Variants in SPON1 observed in about 807,000 individuals in gnomAD.
SPON1 encodes the protein spondin-1.
A neutral mutation model predicts 111.7 loss-of-function variants in SPON1; 52 were observed. That is an observed-to-expected ratio of 0.47 (90% confidence interval 0.37 to 0.59). The LOEUF (loss-of-function observed/expected upper bound fraction) is 0.59. Ranked by LOEUF, SPON1 falls within the 20% of genes least tolerant of loss-of-function variation. SPON1 has a pLI of 0.00. For synonymous variants in SPON1, 410 were observed against 395.8 expected, an observed-to-expected ratio of 1.04 and a Z score of -0.43; for missense variants, 957 against 1,068.5, an observed-to-expected ratio of 0.90 and a Z score of 1.46.
chr11:14,117,677 C>A (rs562721588), intron 5 of SPON1, among the ~76,000 whole-genome samples: 3 of 152,278 alleles, frequency 2.0e-5, no homozygotes, highest in Middle Eastern at 3.4e-3. Context: ...TCTACCTGGG[C>A]TGACCCCTCT....
chr11:14,056,605 T>C (rs1848746312), intron 3 of SPON1, among the ~76,000 whole-genome samples: 1 of 152,130 alleles, frequency 6.6e-6, no homozygotes, highest in South Asian at 2.1e-4. Context: ...CATTAAAATA[T>C]AACATCGGCT....
chr11:14,096,043 A>G (rs1398628121), intron 5 of SPON1, among the ~76,000 whole-genome samples: 1 of 152,246 alleles, frequency 6.6e-6, no homozygotes, highest in Non-Finnish European at 1.5e-5. Flanking sequence ...TTCACCAGGA[A>G]ATGGAATTTG....
At chr11:14,132,137 G>A (rs142652404) in intron 5 of SPON1, among the ~76,000 whole-genome samples, 4,574 of 152,234 alleles carry the variant, frequency 0.03, 85 homozygotes, top group Non-Finnish European at 0.044. Flanking sequence ...AATTAGCTGG[G>A]CGTGGTGGCG....
At chr11:14,023,550 TTAA>T (rs1848495675) in intron 2 of SPON1, among the ~76,000 whole-genome samples, 1 of 152,024 alleles carries the variant, frequency 6.6e-6, no homozygotes, top group South Asian at 2.1e-4. Context: ...AGATGATAAA[TTAA>T]TAACCACATT....
chr11:14,110,812 C>T (rs113677189), intron 5 of SPON1, among the ~76,000 whole-genome samples: 2,996 of 152,308 alleles, frequency 0.02, 98 homozygotes, highest in African/African-American at 0.068. Flanking sequence ...CTCACAGACA[C>T]ATCCAGAAAC....
chr11:14,025,833 G>T lies in SPON1; in HGVS notation c.346-15688G>T, dbSNP rs190556792. Among the ~76,000 whole-genome samples, 23 of 152,276 alleles carry T rather than the reference G, an allele frequency of 1.5e-4. 2 individuals are homozygous for T. The highest frequency in any genetic ancestry group is 1.2e-3 in the Admixed American group (18 of 15,304). On this transcript the variant is annotated intron_variant, in intron 2 of 15. Coordinates refer to ENST00000576479, the MANE Select transcript of SPON1 (RefSeq NM_006108.4). ...AGAGCCCCCAGAGGTTGCTCTGAGG[G>T]TAAAAGGGGTAACAGAGGTGGACCA...
intron 1 of SPON1, among the ~76,000 whole-genome samples, chr11:13,982,412 A>G (rs1848151446): frequency 6.6e-6 from 1 of 152,216 alleles, no homozygotes; most frequent in Admixed American, 6.5e-5. Flanking sequence ...GAAAAATGAA[A>G]TATGTTTTGA....
chr11:14,185,235 ATCATTTTCCCTTAAATATTAT>A (rs1171516449), intron 6 of SPON1, among the ~76,000 whole-genome samples: 4 of 152,226 alleles, frequency 2.6e-5, no homozygotes, highest in African/African-American at 9.6e-5. Flanking sequence ...AGCAAAGCCA[ATCATTTTCCCTTAAATATTAT>A]AGCTATTGTT....
At position 14,259,625 on chromosome 11, in the gene SPON1, C is replaced by G. The variant is rs1554941704; in HGVS notation, c.1755C>G (p.Ile585Met). The G allele has an allele frequency of 1.3e-6, 2 of 1,562,054 alleles. No individual in the cohort carries two copies. The highest frequency in any genetic ancestry group is 2.4e-5 in the East Asian group (1 of 41,610). ...GMGMKKRHRM[I>M]KMNPADGSMC... ...GCATGAAGAAGCGGCACCGCATGAT[C>G]AAGATGAACCCCGCAGATGGCTCCA... Residue 585 changes from isoleucine to methionine, a missense_variant, in exon 13 of 16, where the codon ATC (isoleucine) becomes ATG (methionine). Coordinates refer to ENST00000576479, the MANE Select transcript of SPON1 (RefSeq NM_006108.4). The surrounding 1 kb of genome is among the most constrained non-coding windows in gnomAD (Gnocchi z 5.0).
chr11:14,255,001 G>A (rs1384777208), intron 8 of SPON1, among the ~76,000 whole-genome samples: 4 of 152,182 alleles, frequency 2.6e-5, no homozygotes, highest in Non-Finnish European at 4.4e-5. Context: ...CAAGAGCGAA[G>A]GTTTCTGGAC....
At chr11:14,081,689 G>A (rs1848963589) in intron 5 of SPON1, among the ~76,000 whole-genome samples, 3 of 152,010 alleles carry the variant, frequency 2.0e-5, no homozygotes, top group Non-Finnish European at 4.4e-5. Context: ...AGTTCAGGAA[G>A]AACAGTAGGA....
At chr11:14,246,157 C>A (rs1591425621) in intron 7 of SPON1, among the ~76,000 whole-genome samples, 1 of 152,092 alleles carries the variant, frequency 6.6e-6, no homozygotes, top group South Asian at 2.1e-4. Context: ...AGTCTTTATA[C>A]CAGTTTTCTC....
intron 6 of SPON1, among the ~76,000 whole-genome samples, chr11:14,173,650 G>A (rs1291706501): frequency 6.6e-6 from 1 of 152,082 alleles, no homozygotes; most frequent in Admixed American, 6.6e-5. Context: ...TTTGATGATG[G>A]TGACGTACAG....
At chr11:14,223,295 C>T (rs12364720) in intron 6 of SPON1, among the ~76,000 whole-genome samples, 4,554 of 152,190 alleles carry the variant, frequency 0.03, 100 homozygotes, top group Non-Finnish European at 0.051. Flanking sequence ...ACCCAGAAGG[C>T]GGAGGTTGCA....
chr11:14,249,805 T>C (rs1468290019), intron 7 of SPON1, among the ~76,000 whole-genome samples: 1 of 152,202 alleles, frequency 6.6e-6, no homozygotes, highest in African/African-American at 2.4e-5. Flanking sequence ...TCCCTCACAA[T>C]GATAAGCAGT....
At chr11:14,098,564 G>C (rs1554924120) in intron 5 of SPON1, among the ~76,000 whole-genome samples, 2 of 151,934 alleles carry the variant, frequency 1.3e-5, no homozygotes, top group Non-Finnish European at 2.9e-5. Context: ...CTGATTTATG[G>C]AAGAGAAAAT....
At chr11:13,996,339 A>G (rs1394157900) in intron 2 of SPON1, among the ~76,000 whole-genome samples, 8 of 152,228 alleles carry the variant, frequency 5.3e-5, no homozygotes, top group African/African-American at 1.7e-4. Context: ...CTTGCTTAAA[A>G]TTGCCGTGTG....
At chr11:13,993,690 G>A (rs1320396070) in intron 2 of SPON1, among the ~76,000 whole-genome samples, 1 of 152,112 alleles carries the variant, frequency 6.6e-6, no homozygotes, top group Non-Finnish European at 1.5e-5. Flanking sequence ...TAACTTGTGT[G>A]CTATCTGTCA....
At chr11:14,079,813 T>G in intron 4 of SPON1, 86 bp from the exon 5 acceptor site, 1 of 1,444,976 alleles carries the variant, frequency 6.9e-7, no homozygotes, top group Non-Finnish European at 9.6e-7. Context: ...TCCTAAGGGT[T>G]AAGGATAAAA....
Sources: gnomAD v4.1 joint callset for allele counts (sites outside exome capture counted in the v4.1 genomes callset) on GRCh38, gnomAD v4.1.1 for gene constraint, Gnocchi (gnomAD v3.1) non-coding constraint, MANE v1.5 for transcripts, NCBI Gene and HGNC (gene_info 2026-07-23, HGNC 2026-07-21) for gene names.